Variants in TRARG1 observed in about 807,000 individuals in gnomAD.
TRARG1 encodes trafficking regulator of GLUT4 1.
In TRARG1, 16 loss-of-function variants were observed where a neutral mutation model predicts 13.3. The ratio of observed to expected loss-of-function variants is 1.20; its 90% CI spans 0.81 to 1.83. The LOEUF is 1.83. TRARG1 is among the 40% of genes most tolerant of loss of function. The probability of loss-of-function intolerance (pLI) is 0.00; values close to 1 mark genes in which losing one functional copy is unlikely to be tolerated. For missense variants in TRARG1, 250 were observed against 237.4 expected (o/e 1.05, Z -0.35); for synonymous variants, 113 against 106.2 (o/e 1.06, Z -0.39).
chr17:1,291,774 C>T (rs777118856), intron 1 of TRARG1, among the ~76,000 whole-genome samples: 4 of 152,120 alleles, frequency 2.6e-5, no homozygotes, highest in African/African-American at 4.8e-5. Flanking sequence ...CTTGGAGCCA[C>T]CCCTTGAAGG....
At chr17:1,293,877 C>G (rs986879037) in intron 1 of TRARG1, among the ~76,000 whole-genome samples, 3 of 152,032 alleles carry the variant, frequency 2.0e-5, no homozygotes, top group Non-Finnish European at 2.9e-5. Flanking sequence ...AGCTCTGACA[C>G]TCAGTTTCTT....
In TRARG1 at chr17:1,297,445, C is replaced by T. The variant is rs367548465; in HGVS notation, c.521-806C>T. 2.5e-4 allele frequency among the ~76,000 whole-genome samples: 38 copies of T among 152,156 alleles called. 2 individuals are homozygous for T. Among genetic ancestry groups the T allele is most frequent in the African/African-American group, 8.9e-4 (37 of 41,518 alleles). ...CACTTTCTCACTGTGTGAATTGGAG[C>T]GTGTGTGACAGTTTCCTCCATGAGT... On this transcript the variant is annotated intron_variant, in intron 2 of 2. Transcript: ENST00000333813.
At chr17:1,297,282 G>C (rs941737044) in intron 2 of TRARG1, among the ~76,000 whole-genome samples, 8 of 152,162 alleles carry the variant, frequency 5.3e-5, no homozygotes, top group Non-Finnish European at 1.2e-4. Context: ...CACTGGTCTA[G>C]AGTGTGGGGT....
intron 1 of TRARG1, among the ~76,000 whole-genome samples, chr17:1,292,564 C>A (rs1019880907): frequency 3.2e-4 from 49 of 152,010 alleles, no homozygotes; most frequent in African/African-American, 1.1e-3. Flanking sequence ...CTCCTACCTC[C>A]TCAGTCAGCG....
At position 1,280,158 on chromosome 17, in the gene TRARG1, C is replaced by G; in HGVS notation, c.157C>G (p.Leu53Val). Reference sequence around the variant, plus strand: ...CAAGACCCTCTCGGGGCCTCTGGATCTGGAGCAGAACAGCCAGGGCCTACC... The same window carrying G: ...CAAGACCCTCTCGGGGCCTCTGGATGTGGAGCAGAACAGCCAGGGCCTACC... ...LSKTLSGPLD[L>V]EQNSQGLPFK... The change falls in exon 1 of 3, where the codon CTG (leucine) becomes GTG (valine). Residue 53 changes from leucine (L) to valine (V), a missense_variant. Physicochemically the swap from Leu to Val is conservative, Grantham distance 32 (BLOSUM62 1). Coordinates refer to ENST00000333813, the MANE Select transcript of TRARG1 (RefSeq NM_172367.3). 1 of 1,614,030 alleles carries G rather than the reference C, an allele frequency of 6.2e-7. No homozygotes were observed. Among genetic ancestry groups the G allele is most frequent in the East Asian group, 2.2e-5 (1 of 44,878 alleles).
At chr17:1,292,437 A>G (rs889276932) in intron 1 of TRARG1, among the ~76,000 whole-genome samples, 2 of 152,112 alleles carry the variant, frequency 1.3e-5, no homozygotes, top group Admixed American at 1.3e-4. Flanking sequence ...TGCTCATGGT[A>G]TAAGGACCAC....
chr17:1,295,439 G>T, intron 1 of TRARG1, 52 bp from the exon 2 acceptor site: 2 of 1,542,602 alleles, frequency 1.3e-6, no homozygotes. Flanking sequence ...GGCCCATGAA[G>T]CTGACCCACA....
At position 1,280,344 on chromosome 17, in the gene TRARG1, C is replaced by T. The variant is rs140849117; in HGVS notation, c.343C>T (p.Pro115Ser). 6.2e-7 allele frequency: 1 copy of T among 1,611,568 alleles called. No homozygotes were observed. The highest frequency in any genetic ancestry group is 8.5e-7 in the Non-Finnish European group (1 of 1,178,944). ...LILAVVACFCPVWPLNLIPLI... is the reference protein window; with the variant it reads ...LILAVVACFCSVWPLNLIPLI... The stretch of plus-strand genomic sequence containing the variant: ...CCTGGCCGTCGTCGCCTGCTTCTGC[C>T]CCGTCTGGCCCCTCAACCTCATCCC... The change falls in exon 1 of 3, where the codon CCC becomes TCC. Residue 115 changes from proline to serine, a missense_variant. Transcript: ENST00000333813.
Position 1,298,366 on chromosome 17 carries a change from C to T in TRARG1, c.*102C>T. 1.5e-6 allele frequency: 2 copies of T among 1,334,206 alleles called. No homozygotes were observed. Among genetic ancestry groups the T allele is most frequent in the South Asian group, 1.3e-5 (1 of 77,270 alleles). 82.6% of individuals were successfully genotyped at this position (1,334,206 alleles called of 1,614,324 possible). The stretch of plus-strand genomic sequence containing the variant: ...CAGGGTGCTGACTGTCAAGCATCCC[C>T]TGTCCCCAAGTTCCAAAAGCACAGA... On this transcript the variant is annotated 3_prime_UTR_variant, in exon 3 of 3. Coordinates refer to ENST00000333813, the MANE Select transcript of TRARG1 (RefSeq NM_172367.3).
intron 1 of TRARG1, among the ~76,000 whole-genome samples, chr17:1,282,428 T>C (rs28809287): frequency 0.58 from 88,245 of 150,870 alleles, 26,486 homozygotes; most frequent in East Asian, 0.8. Context: ...TGGAGTGCAA[T>C]GGTGCGATCT....
At chr17:1,282,975 C>G (rs1242334363) in intron 1 of TRARG1, among the ~76,000 whole-genome samples, 1 of 152,162 alleles carries the variant, frequency 6.6e-6, no homozygotes, top group South Asian at 2.1e-4. Flanking sequence ...CAGGCAAGTG[C>G]CCACCACACT....
At chr17:1,284,946 C>T (rs968493613) in intron 1 of TRARG1, among the ~76,000 whole-genome samples, 1 of 152,054 alleles carries the variant, frequency 6.6e-6, no homozygotes, top group Non-Finnish European at 1.5e-5. Flanking sequence ...TCCCAAAGTG[C>T]TGGGATTACA....
intron 2 of TRARG1, among the ~76,000 whole-genome samples, chr17:1,296,862 C>G (rs180732924): frequency 2.4e-4 from 36 of 152,072 alleles, no homozygotes; most frequent in Admixed American, 2.4e-3. Flanking sequence ...CCAGGCTGGT[C>G]TCGAACTCCC....
intron 1 of TRARG1, among the ~76,000 whole-genome samples, chr17:1,284,959 C>T (rs1195946549): frequency 2.0e-5 from 3 of 151,992 alleles, no homozygotes; most frequent in African/African-American, 7.2e-5. Context: ...GGATTACAGG[C>T]GTGAGCCACC....
intron 1 of TRARG1, among the ~76,000 whole-genome samples, chr17:1,283,926 C>T (rs1347142295): frequency 6.6e-6 from 1 of 151,980 alleles, no homozygotes; most frequent in East Asian, 1.9e-4. Context: ...TCCTGGCTAA[C>T]ACGGTGAATC....
intron 1 of TRARG1, among the ~76,000 whole-genome samples, chr17:1,294,893 T>G (rs2072099716): frequency 6.6e-6 from 1 of 152,000 alleles, no homozygotes; most frequent in African/African-American, 2.4e-5. Flanking sequence ...ACCATGTTGG[T>G]CAGGCTGGTC....
chr17:1,292,202 CAAA>C (rs1021416037), intron 1 of TRARG1, among the ~76,000 whole-genome samples: 1 of 130,882 alleles, frequency 7.6e-6, no homozygotes, highest in Non-Finnish European at 1.6e-5. Context: ...AACAAACAAA[CAAA>C]AAAACAGGAA....
chr17:1,298,330 C>T lies in TRARG1; in HGVS notation c.*66C>T, dbSNP rs376757116. ...CATCGGGAGAGCTCTGACCTGCACA[C>T]CGCGGGAGGCCAGGGTGCTGACTGT... On this transcript the variant is annotated 3_prime_UTR_variant, in exon 3 of 3. Transcript: ENST00000333813. The T allele has an allele frequency of 4.4e-6, 7 of 1,575,670 alleles. No individual in the cohort carries two copies. The highest frequency in any genetic ancestry group is 3.5e-5 in the Admixed American group (2 of 57,040).
At position 1,282,219 on chromosome 17, in the gene TRARG1, C is replaced by T. The variant is rs1567928150; in HGVS notation, c.387+1831C>T. On this transcript the variant is annotated intron_variant, in intron 1 of 2. Coordinates refer to ENST00000333813, the MANE Select transcript of TRARG1 (RefSeq NM_172367.3). ...GTACACGTGCGTATATGTACGTATA[C>T]ACGTGCGTATATGTACGTATATGCA... Among the ~76,000 whole-genome samples the T allele has an allele frequency of 5.7e-3, 652 of 115,008 alleles. 35 individuals carry two copies. The highest frequency in any genetic ancestry group is 0.025 in the East Asian group (82 of 3,346). 75.4% of individuals were successfully genotyped at this position (115,008 alleles called of 152,430 possible). A position where few individuals can be genotyped will look rare whatever the true frequency, so the allele number is the denominator to read the frequency against.
Sources: gnomAD v4.1 joint callset for allele counts (sites outside exome capture counted in the v4.1 genomes callset) on GRCh38, gnomAD v4.1.1 for gene constraint, MANE v1.5 for transcripts, NCBI Gene and HGNC (gene_info 2026-07-23, HGNC 2026-07-21) for gene names.